The following RGS7 variants were observed in gnomAD, a reference collection of about 807,000 sequenced individuals.
RGS7 encodes the protein regulator of G-protein signaling 7.
A neutral mutation model predicts 81.1 loss-of-function variants in RGS7; 27 were observed. That is an observed-to-expected ratio of 0.33 (90% CI 0.25 to 0.46). RGS7 has a LOEUF of 0.46. Ranked by LOEUF, RGS7 falls within the 20% of genes least tolerant of loss-of-function variation. The pLI is 1.00. For synonymous variants in RGS7, 208 were observed against 207.7 expected (o/e 1.00, Z -0.01); for missense variants, 396 against 607.4 (o/e 0.65, Z 3.66).
chr1:241,064,157 TGG>T (rs2061904204), intron 3 of RGS7, among the ~76,000 whole-genome samples: 1 of 127,060 alleles, frequency 7.9e-6, no homozygotes, highest in South Asian at 2.4e-4. Flanking sequence ...CACTCCAGCC[TGG>T]GCAACAAGAG....
chr1:241,299,734 C>T (rs1358187894), intron 2 of RGS7, among the ~76,000 whole-genome samples: 1 of 151,386 alleles, frequency 6.6e-6, no homozygotes, highest in Non-Finnish European at 1.5e-5. Flanking sequence ...TACATATGAG[C>T]ACGATGGAGA....
rs143246230 is a variant in RGS7 at position 240,817,145 on chromosome 1, T to C, written c.685-730A>G. Among the ~76,000 whole-genome samples, 1,520 of 152,346 alleles carry C rather than the reference T, an allele frequency of 1.0e-2. 23 individuals carry two copies. Among genetic ancestry groups the C allele is most frequent in the African/African-American group, 0.035 (1,439 of 41,578 alleles). On this transcript the variant is annotated intron_variant, in intron 10 of 18. Coordinates refer to ENST00000440928, the MANE Select transcript of RGS7 (RefSeq NM_001364886.1). ...TTAGTAAGTATAAATAAAGATCTGG[T>C]GACTAAAGGGATAAAAAACTATCTG...
At chr1:241,021,417 T>C (rs1337783143) in intron 3 of RGS7, among the ~76,000 whole-genome samples, 1 of 152,232 alleles carries the variant, frequency 6.6e-6, no homozygotes, top group African/African-American at 2.4e-5. Context: ...TCAAAATGTT[T>C]GGACATAACC....
At chr1:240,865,001 T>C (rs1454603590) in intron 9 of RGS7, among the ~76,000 whole-genome samples, 2 of 152,202 alleles carry the variant, frequency 1.3e-5, no homozygotes, top group Non-Finnish European at 2.9e-5. Flanking sequence ...TCTGTTTCTT[T>C]TCACGAAGAA....
At chr1:240,899,760 T>C (rs978552254) in intron 6 of RGS7, among the ~76,000 whole-genome samples, 1 of 152,138 alleles carries the variant, frequency 6.6e-6, no homozygotes, top group African/African-American at 2.4e-5. Flanking sequence ...GACAATTATG[T>C]GTCTTAGAGT....
chr1:241,002,834 T>A (rs1403515663), intron 3 of RGS7, among the ~76,000 whole-genome samples: 1 of 152,212 alleles, frequency 6.6e-6, no homozygotes, highest in Non-Finnish European at 1.5e-5. Context: ...TATTAAATGA[T>A]GAATAATCTC....
rs374037886 is a variant in RGS7 at position 241,326,962 on chromosome 1, A to AAGAGAG, written c.78+28731_78+28736dup. On this transcript the variant is annotated intron_variant, in intron 2 of 18. Transcript: ENST00000440928. Reference sequence around the variant, plus strand: ...AGAGAGAAATAAGCAGGAAGGAAGGAAGAGAGAGAGAGAGAGAGAAGAAAG... The same window carrying AAGAGAG: ...AGAGAGAAATAAGCAGGAAGGAAGGAAGAGAGAGAGAGAGAGAGAGAGAGAAGAAAG... Among the ~76,000 whole-genome samples the AAGAGAG allele has an allele frequency of 2.2e-3, 273 of 124,544 alleles. 6 individuals are homozygous for AAGAGAG. Among genetic ancestry groups the AAGAGAG allele is most frequent in the African/African-American group, 7.2e-3 (232 of 32,388 alleles). The allele number at this position is 124,544 out of a possible 152,430, so 81.7% of individuals were successfully genotyped here.
In RGS7 at chr1:241,179,531, TCA is replaced by T. The variant is rs2071428930; in HGVS notation, c.79-80771_79-80770del. Among the ~76,000 whole-genome samples, 3 of 152,318 alleles carry T rather than the reference TCA, an allele frequency of 2.0e-5. No homozygotes were observed. In the South Asian group the frequency reaches 6.2e-4, roughly 32 times the overall value. The stretch of plus-strand genomic sequence containing the variant: ...TCACAGGCAGAACATCTCCACTAAA[TCA>T]CAGTCTAGCTCCAAGGACCCCTTGT... On this transcript the variant is annotated intron_variant, in intron 2 of 18. Transcript: ENST00000440928.
intron 3 of RGS7, among the ~76,000 whole-genome samples, chr1:241,038,093 A>G (rs1036484139): frequency 4.6e-5 from 7 of 152,142 alleles, no homozygotes; most frequent in African/African-American, 1.7e-4. Context: ...TGTAATAACC[A>G]CCTGCTTCCC....
At chr1:241,201,639 G>C (rs955223319) in intron 2 of RGS7, among the ~76,000 whole-genome samples, 1 of 151,842 alleles carries the variant, frequency 6.6e-6, no homozygotes, top group African/African-American at 2.4e-5. Context: ...ACATATATAA[G>C]AACTTAAAAA....
At chr1:240,886,998 G>A (rs1021320661) in intron 6 of RGS7, among the ~76,000 whole-genome samples, 1 of 152,122 alleles carries the variant, frequency 6.6e-6, no homozygotes, top group Non-Finnish European at 1.5e-5. Context: ...GCTCACCTGT[G>A]TAATGAGAAT....
intron 3 of RGS7, among the ~76,000 whole-genome samples, chr1:241,065,004 A>G (rs1484963091): frequency 6.6e-6 from 1 of 152,122 alleles, no homozygotes; most frequent in Non-Finnish European, 1.5e-5. Flanking sequence ...GAGACTCTTT[A>G]GCTGCCTCAT....
At chr1:240,963,689 A>T (rs555688396) in intron 4 of RGS7, among the ~76,000 whole-genome samples, 1 of 152,186 alleles carries the variant, frequency 6.6e-6, no homozygotes, top group African/African-American at 2.4e-5. Context: ...CTTGAGAGAG[A>T]GGAATTAAGA....
Position 240,861,156 on chromosome 1 carries a change from T to C in RGS7, c.609+7431A>G, listed in dbSNP as rs375839776. On this transcript the variant is annotated intron_variant, in intron 9 of 18. Coordinates refer to ENST00000440928, the MANE Select transcript of RGS7 (RefSeq NM_001364886.1). ...AAAATGCTACAAAATGCTGATTATA[T>C]ATTGGTTTTAAAAAGCATAAATAAA... 6.0e-4 allele frequency among the ~76,000 whole-genome samples: 92 copies of C among 152,306 alleles called. 1 individual carries two copies. The East Asian group carries it at 7.7e-3, about 13-fold the overall frequency.
chr1:240,814,695 C>T lies in RGS7; in HGVS notation c.845+21G>A, dbSNP rs374276023. The T allele has an allele frequency of 5.6e-5, 83 of 1,477,136 alleles. No homozygotes were observed. In the African/African-American group the frequency reaches 9.1e-4, roughly 16 times the overall value. The allele number at this position is 1,477,136 out of a possible 1,614,324, so 91.5% of individuals were successfully genotyped here. A position where few individuals can be genotyped will look rare whatever the true frequency, so the allele number is the denominator to read the frequency against. ...GTCATATGAAATTTTAAAATTTATA[C>T]AGACACTTTGAAATACTCACCTGTC... On this transcript the variant is annotated intron_variant, in intron 12 of 18. Transcript: ENST00000440928.
At chr1:240,796,096 T>G (rs1229741895) in intron 18 of RGS7, among the ~76,000 whole-genome samples, 1 of 152,152 alleles carries the variant, frequency 6.6e-6, no homozygotes, top group African/African-American at 2.4e-5. Context: ...CTTAAATGAT[T>G]TTTTAAAATT....
intron 2 of RGS7, among the ~76,000 whole-genome samples, chr1:241,134,777 A>G (rs1369551807): frequency 6.6e-6 from 1 of 152,156 alleles, no homozygotes; most frequent in African/African-American, 2.4e-5. Flanking sequence ...CTAGTTCCTC[A>G]CTGAAAGATT....
chr1:241,146,197 G>T (rs1247198289), intron 2 of RGS7, among the ~76,000 whole-genome samples: 1 of 151,084 alleles, frequency 6.6e-6, no homozygotes, highest in Admixed American at 6.6e-5. Flanking sequence ...CCAAAAATAA[G>T]AAGAAAAATT....
chr1:241,125,270 T>C (rs987856638), intron 2 of RGS7, among the ~76,000 whole-genome samples: 5 of 152,174 alleles, frequency 3.3e-5, no homozygotes, highest in African/African-American at 9.7e-5. Flanking sequence ...ACAATGCTAC[T>C]CGCTCTAAGC....
Sources: allele counts gnomAD v4.1 joint callset (sites outside exome capture counted in the v4.1 genomes callset), GRCh38; gene constraint gnomAD v4.1.1; transcripts MANE v1.5; gene names NCBI Gene and HGNC (gene_info 2026-07-23, HGNC 2026-07-21).